Variants in VEZF1 observed in about 807,000 individuals in gnomAD.
VEZF1 encodes the protein putative transcription factor DB1.
In VEZF1, 5 loss-of-function variants were observed where a neutral mutation model predicts 44.1. The ratio of observed to expected loss-of-function variants is 0.11; its 90% CI spans 0.06 to 0.24. The LOEUF (loss-of-function observed/expected upper bound fraction) is 0.24, where lower values mean the gene tolerates loss of function less well. Ranked by LOEUF, VEZF1 falls within the 10% of genes least tolerant of loss-of-function variation. VEZF1 has a pLI of 1.00. For missense variants in VEZF1, 358 were observed against 641.8 expected (o/e 0.56, Z 4.78); for synonymous variants, 236 against 233.1 (o/e 1.01, Z -0.11).
Position 57,975,849 on chromosome 17 carries a change from G to A in VEZF1, c.1139-949C>T, listed in dbSNP as rs560100134. Among the ~76,000 whole-genome samples the A allele has an allele frequency of 1.4e-3, 218 of 152,260 alleles. 1 individual carries two copies. The highest frequency in any genetic ancestry group is 2.5e-3 in the Non-Finnish European group (173 of 68,030). The stretch of plus-strand genomic sequence containing the variant: ...GTCTCCTTCTGTTGCTCAGGCTGGA[G>A]TGCAGTAGCATGATCAAAGCTTACT... On this transcript the variant is annotated intron_variant, in intron 5 of 5. Coordinates refer to ENST00000581208, the MANE Select transcript of VEZF1 (RefSeq NM_007146.3).
chr17:57,985,509 A>G (rs1183285857), intron 1 of VEZF1: 7 of 907,342 alleles, frequency 7.7e-6, no homozygotes, highest in Admixed American at 6.2e-5. Flanking sequence ...GCCAGCCTTC[A>G]GTTAAGTGAT....
At chr17:57,979,359 G>A (rs775477403) in intron 4 of VEZF1, 46 bp from the exon 5 acceptor site, 3 of 1,593,146 alleles carry the variant, frequency 1.9e-6, no homozygotes, top group East Asian at 2.3e-5. Flanking sequence ...CTGTAAAACT[G>A]TTGCCGTTTT....
At chr17:57,981,027 G>GT (rs1169326020) in intron 3 of VEZF1, among the ~76,000 whole-genome samples, 5 of 152,134 alleles carry the variant, frequency 3.3e-5, no homozygotes, top group African/African-American at 2.4e-5. Context: ...AAGCTTTAGG[G>GT]TAAGTTAAAC....
intron 4 of VEZF1, among the ~76,000 whole-genome samples, chr17:57,979,670 T>A (rs1421238136): frequency 2.0e-5 from 3 of 151,796 alleles, no homozygotes; most frequent in Non-Finnish European, 4.4e-5. Flanking sequence ...TAAAAGTGAA[T>A]GTTTATAGGC....
intron 5 of VEZF1, among the ~76,000 whole-genome samples, chr17:57,978,746 A>G (rs776167402): frequency 6.6e-6 from 1 of 152,220 alleles, no homozygotes; most frequent in Non-Finnish European, 1.5e-5. Context: ...CAGTTGTAAG[A>G]AAATGAACTT....
intron 5 of VEZF1, among the ~76,000 whole-genome samples, chr17:57,977,852 GA>G (rs572032894): frequency 0.32 from 36,767 of 114,786 alleles, 6,557 homozygotes; most frequent in African/African-American, 0.56. Flanking sequence ...CTCAAAAAAA[GA>G]AAAAAAAAAA....
intron 1 of VEZF1, chr17:57,985,457 ACTT>A (rs1355001202): frequency 1.6e-6 from 2 of 1,220,606 alleles, no homozygotes; most frequent in South Asian, 4.3e-5. Context: ...GGTTTTCCCA[ACTT>A]CTTCTCTGGG....
At chr17:57,976,670 T>C (rs1030879040) in intron 5 of VEZF1, among the ~76,000 whole-genome samples, 17 of 152,210 alleles carry the variant, frequency 1.1e-4, no homozygotes, top group Non-Finnish European at 8.8e-5. Context: ...CAGAGGTTTC[T>C]AAGATCAGTG....
Position 57,988,147 on chromosome 17 carries a change from C to T in VEZF1, c.-36G>A. 1.4e-6 allele frequency: 1 copy of T among 697,830 alleles called. No individual in the cohort carries two copies. The highest frequency in any genetic ancestry group is 1.9e-6 in the Non-Finnish European group (1 of 529,776). The allele number at this position is 697,830 out of a possible 1,614,324, so 43.2% of individuals were successfully genotyped here. ...GCCGACCCCCCTCCTCCCCACTCCC[C>T]CCGCTCGGGGAGCCTCCTCAGCCGG... is the stretch of plus-strand genomic sequence containing the variant. On this transcript the variant is annotated 5_prime_UTR_variant, in exon 1 of 6. Transcript: ENST00000581208.
intron 1 of VEZF1, among the ~76,000 whole-genome samples, chr17:57,987,504 G>A (rs2075308210): frequency 6.6e-6 from 1 of 152,180 alleles, no homozygotes; most frequent in Non-Finnish European, 1.5e-5. Flanking sequence ...GGAGTGGCGG[G>A]GAACCTGGGG....
chr17:57,988,059 C>T lies in VEZF1; in HGVS notation c.33+20G>A, dbSNP rs780852983. On this transcript the variant is annotated intron_variant, in intron 1 of 5. Coordinates refer to ENST00000581208, the MANE Select transcript of VEZF1 (RefSeq NM_007146.3). Reference sequence around the variant, plus strand: ...GGCCCCCCTGTCCCCCCCGTGCCCCCCCGGGGGGGCCCCCAGTACCTGGAA... The same window carrying T: ...GGCCCCCCTGTCCCCCCCGTGCCCCTCCGGGGGGGCCCCCAGTACCTGGAA... 5.6e-5 allele frequency: 22 copies of T among 392,826 alleles called. No individual in the cohort carries two copies. The South Asian group carries it at 1.8e-3, about 31-fold the overall frequency. 24.3% of individuals were successfully genotyped at this position (392,826 alleles called of 1,614,324 possible).
chr17:57,984,481 C>G (rs1025888320), intron 1 of VEZF1, among the ~76,000 whole-genome samples: 1 of 152,204 alleles, frequency 6.6e-6, no homozygotes, highest in Non-Finnish European at 1.5e-5. Context: ...AAACTCTTGA[C>G]AGTGAGCCCA....
intron 1 of VEZF1, among the ~76,000 whole-genome samples, chr17:57,987,179 G>A (rs895956025): frequency 6.6e-6 from 1 of 152,152 alleles, no homozygotes; most frequent in Non-Finnish European, 1.5e-5. Context: ...GACTTTGTTT[G>A]CTCTCTCCAC....
chr17:57,974,154 CTGTTTTTT>C lies in VEZF1; in HGVS notation c.*311_*318del. 3.2e-6 allele frequency: 1 copy of C among 313,772 alleles called. No individual in the cohort carries two copies. The allele number at this position is 313,772 out of a possible 1,614,324, so 19.4% of individuals were successfully genotyped here. On this transcript the variant is annotated 3_prime_UTR_variant, in exon 6 of 6. Transcript: ENST00000581208. Reference sequence around the variant, plus strand: ...TTCCTTGGGATTAGAAATAGTAATGCTGTTTTTTTATTTTGAAGTGGGTTCTACTTATG... The same window carrying C: ...TTCCTTGGGATTAGAAATAGTAATGCTATTTTGAAGTGGGTTCTACTTATG...
rs1158740721 is a variant in VEZF1 at position 57,983,238 on chromosome 17, A to T, written c.189T>A (p.Ile63=). The change falls in exon 2 of 6, where the codon ATT becomes ATA. Residue 63 remains isoleucine, a synonymous_variant. Coordinates refer to ENST00000581208, the MANE Select transcript of VEZF1 (RefSeq NM_007146.3). ...TTTTGGGTTTTTCTTTTTTAATCCC[A>T]ATGGCATCCTTTAATGTTTCTGGTG... ...QGAPETLKDA[I]GIKKEKPKTS... is the part of the protein sequence containing the mutation. 3 of 1,613,902 alleles carry T rather than the reference A, an allele frequency of 1.9e-6. No individual in the cohort carries two copies. The highest frequency in any genetic ancestry group is 2.5e-6 in the Non-Finnish European group (3 of 1,179,996).
At chr17:57,975,005 A>T in intron 5 of VEZF1, 105 bp from the exon 6 acceptor site, 1 of 1,291,848 alleles carries the variant, frequency 7.7e-7, no homozygotes, top group Non-Finnish European at 1.1e-6. Context: ...ACATTTAATA[A>T]ATCAAATTCC....
At chr17:57,980,531 G>T in intron 4 of VEZF1, 72 bp downstream of exon 4, 1 of 1,439,528 alleles carries the variant, frequency 6.9e-7, no homozygotes, top group Non-Finnish European at 9.7e-7. Context: ...TAATACCTTT[G>T]ATACAATATG....
At chr17:57,984,445 G>A (rs2075277650) in intron 1 of VEZF1, among the ~76,000 whole-genome samples, 1 of 152,236 alleles carries the variant, frequency 6.6e-6, no homozygotes, top group Non-Finnish European at 1.5e-5. Flanking sequence ...TTCCTAATAC[G>A]TTGTTCTTTA....
Position 57,974,269 on chromosome 17 carries a change from A to C in VEZF1, c.*204T>G, listed in dbSNP as rs1413483229. On this transcript the variant is annotated 3_prime_UTR_variant, in exon 6 of 6. Coordinates refer to ENST00000581208, the MANE Select transcript of VEZF1 (RefSeq NM_007146.3). ...TGTCAGCTAAAAGGAATTTCTGATTAAACTAAAGTGGTCCAGTGATAAGTT... is the reference window on the plus strand; with the variant it reads ...TGTCAGCTAAAAGGAATTTCTGATTCAACTAAAGTGGTCCAGTGATAAGTT... 14 of 607,648 alleles carry C rather than the reference A, an allele frequency of 2.3e-5. No individual in the cohort carries two copies. Among genetic ancestry groups the C allele is most frequent in the Admixed American group, 1.2e-4 (4 of 32,966 alleles). The allele number at this position is 607,648 out of a possible 1,614,324, so 37.6% of individuals were successfully genotyped here. A position where few individuals can be genotyped will look rare whatever the true frequency, so the allele number is the denominator to read the frequency against.
Sources: gnomAD v4.1 joint callset for allele counts (sites outside exome capture counted in the v4.1 genomes callset) on GRCh38, gnomAD v4.1.1 for gene constraint, MANE v1.5 for transcripts, NCBI Gene and HGNC (gene_info 2026-07-23, HGNC 2026-07-21) for gene names.